The following ANKH variants were observed in gnomAD, a reference collection of about 807,000 sequenced individuals.
ANKH encodes the protein ANKH inorganic pyrophosphate transport regulator.
Under a neutral mutation model 49.0 loss-of-function variants are expected in ANKH, and 15 were observed. The ratio of observed to expected loss-of-function variants is 0.31; its 90% CI spans 0.20 to 0.47. The LOEUF is 0.47. ANKH is among the 20% of genes least tolerant of loss of function. The probability of loss-of-function intolerance (pLI) is 1.00; values close to 1 mark genes in which losing one functional copy is unlikely to be tolerated. For missense variants in ANKH, 429 were observed against 652.0 expected, an observed-to-expected ratio of 0.66 and a Z score of 3.72; for synonymous variants, 273 against 260.0, an observed-to-expected ratio of 1.05 and a Z score of -0.48.
At chr5:14,858,180 T>C (rs1735337585) in intron 1 of ANKH, among the ~76,000 whole-genome samples, 1 of 152,144 alleles carries the variant, frequency 6.6e-6, no homozygotes, top group South Asian at 2.1e-4. Flanking sequence ...TACAGGTGGT[T>C]TTTGCTTACA....
chr5:14,800,873 C>T (rs548629757), intron 1 of ANKH, among the ~76,000 whole-genome samples: 44 of 151,444 alleles, frequency 2.9e-4, no homozygotes, highest in Non-Finnish European at 1.5e-5. Flanking sequence ...CACAGACATG[C>T]TACCACCATA....
At chr5:14,828,988 C>T (rs940667891) in intron 1 of ANKH, among the ~76,000 whole-genome samples, 2 of 152,112 alleles carry the variant, frequency 1.3e-5, no homozygotes, top group African/African-American at 2.4e-5. Context: ...AGATCAAGAA[C>T]AGCCTGGCCA....
rs1736952062 is a variant in ANKH at position 14,706,560 on chromosome 5, T to C, written c.*4637A>G. 3.3e-5 allele frequency: 5 copies of C among 152,330 alleles called. No homozygotes were observed. The South Asian group carries it at 8.3e-4, about 25-fold the overall frequency. The allele number at this position is 152,330 out of a possible 1,614,324, so 9.4% of individuals were successfully genotyped here. ...TTTTGAGATCAGATAGTATACTATA[T>C]ATTTGTGACTTTTCTGAGTGGAGTT... On this transcript the variant is annotated 3_prime_UTR_variant, in exon 12 of 12. Transcript: ENST00000284268.
Position 14,830,510 on chromosome 5 carries a change from A to AGTGTGTGT in ANKH, c.96+40834_96+40841dup, listed in dbSNP as rs35379260. Among the ~76,000 whole-genome samples, 262 of 147,388 alleles carry AGTGTGTGT rather than the reference A, an allele frequency of 1.8e-3. 1 individual carries two copies. The highest frequency in any genetic ancestry group is 4.2e-3 in the African/African-American group (169 of 40,094). On this transcript the variant is annotated intron_variant, in intron 1 of 11. Transcript: ENST00000284268. ...TATTTAAATATTGTGAGGTAGGGGG[A>AGTGTGTGT]GTGTGTGTGTGTGTGTGTGTGTGTG...
At chr5:14,717,269 C>A (rs1006981697) in intron 8 of ANKH, among the ~76,000 whole-genome samples, 1 of 152,150 alleles carries the variant, frequency 6.6e-6, no homozygotes, top group Non-Finnish European at 1.5e-5. Context: ...TACAGAACCA[C>A]GCAGAATCAG....
chr5:14,819,097 C>T (rs62353763), intron 1 of ANKH, among the ~76,000 whole-genome samples: 1 of 152,158 alleles, frequency 6.6e-6, no homozygotes, highest in Non-Finnish European at 1.5e-5. Flanking sequence ...GCATGAGCTA[C>T]CCCTCGTCTG....
At chr5:14,742,457 C>A (rs1384416643) in intron 7 of ANKH, among the ~76,000 whole-genome samples, 1 of 152,240 alleles carries the variant, frequency 6.6e-6, no homozygotes, top group Non-Finnish European at 1.5e-5. Context: ...TGCTCTTCCC[C>A]TGACACACCT....
In ANKH at chr5:14,807,507, T is replaced by C. The variant is rs570177696; in HGVS notation, c.97-38316A>G. Among the ~76,000 whole-genome samples the C allele has an allele frequency of 3.9e-5, 6 of 152,310 alleles. No homozygotes were observed. In the South Asian group the frequency reaches 8.3e-4, roughly 21 times the overall value. ...TACTTCTTGAGCATGTCTTCCTAGG[T>C]ACCGATCCTTAACCTGAACTGCTGT... On this transcript the variant is annotated intron_variant, in intron 1 of 11. Coordinates refer to ENST00000284268, the MANE Select transcript of ANKH (RefSeq NM_054027.6).
At chr5:14,793,958 G>T (rs557291156) in intron 1 of ANKH, among the ~76,000 whole-genome samples, 1 of 152,378 alleles carries the variant, frequency 6.6e-6, no homozygotes, top group African/African-American at 2.4e-5. Flanking sequence ...GCTATCCACT[G>T]ATCCATTCTG....
intron 8 of ANKH, among the ~76,000 whole-genome samples, chr5:14,721,895 A>G (rs25985): frequency 3.2e-5 from 4 of 125,664 alleles, no homozygotes; most frequent in Admixed American, 2.3e-4. Context: ...ATGCCACTGC[A>G]CTCCAGCCTG....
chr5:14,769,472 A>C (rs939433315), intron 1 of ANKH, among the ~76,000 whole-genome samples: 4 of 152,180 alleles, frequency 2.6e-5, no homozygotes, highest in African/African-American at 9.7e-5. Flanking sequence ...AATAATTCTA[A>C]GAAGTTTTGG....
chr5:14,709,958 A>AAATC lies in ANKH; in HGVS notation c.*1235_*1238dup, dbSNP rs550094209. On this transcript the variant is annotated 3_prime_UTR_variant, in exon 12 of 12. Transcript: ENST00000284268. ...TTCTTTCAGTCTAGGAATTCTGACT[A>AAATC]AATCAATTTAGTGAACCGTGTCTAT... The AAATC allele has an allele frequency of 1.3e-5, 2 of 152,280 alleles. No homozygotes were observed. The highest frequency in any genetic ancestry group is 2.4e-5 in the African/African-American group (1 of 41,470). The allele number at this position is 152,280 out of a possible 1,614,324, so 9.4% of individuals were successfully genotyped here. A position where few individuals can be genotyped will look rare whatever the true frequency, so the allele number is the denominator to read the frequency against.
chr5:14,721,514 T>C (rs1737657702), intron 8 of ANKH, among the ~76,000 whole-genome samples: 1 of 152,236 alleles, frequency 6.6e-6, no homozygotes, highest in Non-Finnish European at 1.5e-5. Context: ...TCTGAAGCTC[T>C]TGCTATGCTT....
intron 8 of ANKH, among the ~76,000 whole-genome samples, chr5:14,736,900 CTA>C (rs1738204396): frequency 6.6e-6 from 1 of 152,206 alleles, no homozygotes. Context: ...GGATTCTTCT[CTA>C]TGTCTCCTGA....
chr5:14,788,336 C>G (rs1204916205), intron 1 of ANKH: 3 of 152,232 alleles, frequency 2.0e-5, no homozygotes, highest in African/African-American at 7.2e-5. Context: ...TTATCACTGT[C>G]ATGTATTTAC....
chr5:14,853,491 C>A (rs930004039), intron 1 of ANKH, among the ~76,000 whole-genome samples: 1 of 152,106 alleles, frequency 6.6e-6, no homozygotes, highest in Non-Finnish European at 1.5e-5. Flanking sequence ...GTGAGAGGAT[C>A]GCTTGAGCCC....
intron 2 of ANKH, among the ~76,000 whole-genome samples, chr5:14,766,492 T>G (rs1280247493): frequency 6.6e-6 from 1 of 152,164 alleles, no homozygotes; most frequent in Non-Finnish European, 1.5e-5. Flanking sequence ...ATGAGGCCTG[T>G]CCCAACCCCA....
At chr5:14,793,272 G>A (rs926473960) in intron 1 of ANKH, among the ~76,000 whole-genome samples, 8 of 151,346 alleles carry the variant, frequency 5.3e-5, no homozygotes, top group African/African-American at 1.9e-4. Context: ...TTCTGGGGCT[G>A]GAAAGAGGCC....
chr5:14,766,955 G>A (rs1395068755), intron 2 of ANKH, among the ~76,000 whole-genome samples: 3 of 152,182 alleles, frequency 2.0e-5, no homozygotes, highest in Non-Finnish European at 4.4e-5. Flanking sequence ...TTATCCAGGA[G>A]CTGACTGCTG....
Sources: allele counts gnomAD v4.1 joint callset (sites outside exome capture counted in the v4.1 genomes callset), GRCh38; gene constraint gnomAD v4.1.1; transcripts MANE v1.5; gene names NCBI Gene and HGNC (gene_info 2026-07-23, HGNC 2026-07-21).